Variants in DNAJB6 observed in about 807,000 individuals in gnomAD.
DNAJB6 encodes the protein DnaJ heat shock protein family (Hsp40) member B6, also known as dnaJ homolog subfamily B member 6.
Under a neutral mutation model 42.7 loss-of-function variants are expected in DNAJB6, and 16 were observed. The observed-to-expected ratio is 0.37, with a 90% confidence interval of 0.25 to 0.57. DNAJB6 has a LOEUF of 0.57. Ranked by LOEUF, DNAJB6 falls within the 20% of genes least tolerant of loss-of-function variation. DNAJB6 has a pLI of 0.74. For synonymous variants in DNAJB6, 170 were observed against 163.5 expected (o/e 1.04, Z -0.30); for missense variants, 347 against 416.8 (o/e 0.83, Z 1.46).
chr7:157,381,982 T>A, intron 5 of DNAJB6: 1 of 275,590 alleles, frequency 3.6e-6, no homozygotes. Context: ...CCATAAAGAA[T>A]GTGTGTATGT....
intron 8 of DNAJB6, among the ~76,000 whole-genome samples, chr7:157,391,928 C>T (rs1801363144): frequency 6.6e-6 from 1 of 151,874 alleles, no homozygotes. Flanking sequence ...CATGGTCAAA[C>T]CACGTCTCTA....
At chr7:157,404,924 C>T (rs1056858053) in intron 8 of DNAJB6, among the ~76,000 whole-genome samples, 2 of 152,198 alleles carry the variant, frequency 1.3e-5, no homozygotes, top group Non-Finnish European at 2.9e-5. Context: ...CAGGTGTGAG[C>T]CACTGTGCCA....
At chr7:157,384,827 CAT>C in intron 6 of DNAJB6, 38 bp from the exon 7 acceptor site, 1 of 1,593,546 alleles carries the variant, frequency 6.3e-7, no homozygotes, top group South Asian at 1.1e-5. Context: ...TACTAGTTGA[CAT>C]ATTTCTTTAA....
intron 8 of DNAJB6, among the ~76,000 whole-genome samples, chr7:157,398,849 T>C (rs1040900984): frequency 4.8e-4 from 73 of 152,224 alleles, no homozygotes; most frequent in African/African-American, 1.7e-3. Flanking sequence ...GAATTAGAAG[T>C]GACTTGTTTT....
rs552218882 is a variant in DNAJB6, at chr7:157,382,205, GA to G, written c.347-34del. ...AGCTATCACATGAGGAAAAAAACTT[GA>G]AAAAAAGACTTCATAGTGTGTGTTT... On this transcript the variant is annotated intron_variant, in intron 5 of 9. Transcript: ENST00000262177. The G allele has an allele frequency of 1.0e-4, 153 of 1,527,234 alleles. No individual in the cohort carries two copies. In the East Asian group the frequency reaches 3.5e-3, roughly 35 times the overall value. The allele number at this position is 1,527,234 out of a possible 1,614,324, so 94.6% of individuals were successfully genotyped here.
intron 1 of DNAJB6, among the ~76,000 whole-genome samples, chr7:157,347,076 T>C (rs1322483140): frequency 1.3e-5 from 2 of 152,054 alleles, no homozygotes; most frequent in African/African-American, 2.4e-5. Flanking sequence ...AGGATGGTCT[T>C]GATCTCCTGA....
chr7:157,404,177 C>T (rs1195973650), intron 8 of DNAJB6, among the ~76,000 whole-genome samples: 4 of 151,844 alleles, frequency 2.6e-5, no homozygotes, highest in Middle Eastern at 3.2e-3. Flanking sequence ...CTATGTTGCC[C>T]AGGCTGGTCT....
At chr7:157,382,652 T>C (rs1563137329) in intron 6 of DNAJB6, 5 of 225,408 alleles carry the variant, frequency 2.2e-5, no homozygotes, top group Admixed American at 5.8e-5. Context: ...GGGCAACATA[T>C]GTTCTGCATC....
At chr7:157,339,176 T>C (rs1403451503) in intron 1 of DNAJB6, among the ~76,000 whole-genome samples, 1 of 152,050 alleles carries the variant, frequency 6.6e-6, no homozygotes, top group Non-Finnish European at 1.5e-5. Context: ...GTAATTCCCT[T>C]CTATTAACTC....
chr7:157,348,527 A>T (rs1350718138), intron 1 of DNAJB6, among the ~76,000 whole-genome samples: 2 of 152,184 alleles, frequency 1.3e-5, no homozygotes, highest in African/African-American at 4.8e-5. Context: ...AGTTTCCTAA[A>T]TAGCTCTCCT....
At chr7:157,381,777 G>GTGTGTGTGTGTGT (rs1563136627) in intron 5 of DNAJB6, 1 of 77,046 alleles carries the variant, frequency 1.3e-5, no homozygotes, top group African/African-American at 4.1e-5. Context: ...TGTGTGTGTG[G>GTGTGTGTGTGTGT]GCGCGCGCAT....
chr7:157,378,298 T>G (rs1204321685), intron 5 of DNAJB6: 2 of 152,218 alleles, frequency 1.3e-5, no homozygotes, highest in Non-Finnish European at 2.9e-5. Flanking sequence ...TGTCTTAAGA[T>G]TTATTTCTAA....
At chr7:157,353,283 C>T (rs762399317) in intron 1 of DNAJB6, among the ~76,000 whole-genome samples, 16 of 150,474 alleles carry the variant, frequency 1.1e-4, no homozygotes, top group Non-Finnish European at 2.2e-4. Context: ...AGTTTTTAAA[C>T]TTTATTTTGA....
chr7:157,401,580 T>C (rs761738022), intron 8 of DNAJB6, among the ~76,000 whole-genome samples: 28 of 152,248 alleles, frequency 1.8e-4, no homozygotes, highest in Non-Finnish European at 4.4e-5. Flanking sequence ...TGTAGCAGTT[T>C]TTAAAAGCGA....
intron 8 of DNAJB6, among the ~76,000 whole-genome samples, chr7:157,392,330 T>A (rs1351912181): frequency 1.3e-5 from 2 of 151,934 alleles, no homozygotes; most frequent in South Asian, 2.1e-4. Context: ...GCTAGTTGAT[T>A]AGTCTTTAGC....
chr7:157,405,356 G>A lies in DNAJB6; in HGVS notation c.692-4439G>A, dbSNP rs142986752. Among the ~76,000 whole-genome samples the A allele has an allele frequency of 2.1e-3, 324 of 152,336 alleles. 4 individuals are homozygous for A. The highest frequency in any genetic ancestry group is 6.9e-3 in the African/African-American group (286 of 41,564). ...TGTGGCGCCTGCTTCCAGGCTGTGC[G>A]TGAGGCTGGCTTGTTCCGTCCTGGG... On this transcript the variant is annotated intron_variant, in intron 8 of 9. Transcript: ENST00000262177.
Position 157,377,504 on chromosome 7 carries a change from G to GAAACGTGTATTAC in DNAJB6, c.347-4739_347-4727dup, listed in dbSNP as rs374021928. Among the ~76,000 whole-genome samples, 389 of 152,230 alleles carry GAAACGTGTATTAC rather than the reference G, an allele frequency of 2.6e-3. 1 individual carries two copies. Among genetic ancestry groups the GAAACGTGTATTAC allele is most frequent in the African/African-American group, 8.8e-3 (366 of 41,556 alleles). ...GTCTAGAGAAACTGCCACTGGGGGA[G>GAAACGTGTATTAC]AAACGTGTATTACAAGGAAGGTGCT... is the stretch of plus-strand genomic sequence containing the variant. On this transcript the variant is annotated intron_variant, in intron 5 of 9. Transcript: ENST00000262177.
Position 157,358,656 on chromosome 7 carries a change from G to A in DNAJB6, c.65+19G>A. 1 of 1,590,592 alleles carries A rather than the reference G, an allele frequency of 6.3e-7. No homozygotes were observed. The highest frequency in any genetic ancestry group is 8.6e-7 in the Non-Finnish European group (1 of 1,158,536). ...AAAAGGCGTAAGTAGTTTTATTTCTGTGGTAATGCATTTTCACAGTGGTAC... is the reference window on the plus strand; with the variant it reads ...AAAAGGCGTAAGTAGTTTTATTTCTATGGTAATGCATTTTCACAGTGGTAC... On this transcript the variant is annotated intron_variant, in intron 2 of 9. Transcript: ENST00000262177.
intron 5 of DNAJB6, among the ~76,000 whole-genome samples, chr7:157,376,208 T>C (rs1396193359): frequency 2.6e-5 from 4 of 152,208 alleles, no homozygotes; most frequent in African/African-American, 4.8e-5. Flanking sequence ...CAAGTTTGTA[T>C]GTGGGTAAAT....
Sources: allele counts gnomAD v4.1 joint callset (sites outside exome capture counted in the v4.1 genomes callset), GRCh38; gene constraint gnomAD v4.1.1; transcripts MANE v1.5; gene names NCBI Gene and HGNC (gene_info 2026-07-23, HGNC 2026-07-21).